UPF2: variants seen among roughly 807,000 people sequenced by gnomAD.
The protein encoded by UPF2 is UPF2 regulator of nonsense mediated mRNA decay, also known as regulator of nonsense transcripts 2.
UPF2 carries 17 observed loss-of-function variants against 141.4 expected under a neutral mutation model. The observed-to-expected ratio is 0.12, with a 90% CI of 0.08 to 0.18. The LOEUF (loss-of-function observed/expected upper bound fraction) is 0.18, where lower values mean the gene tolerates loss of function less well. Among genes scored for constraint, UPF2 ranks in the 10% least tolerant of loss-of-function variants. UPF2 has a pLI of 1.00. For synonymous variants in UPF2, 540 were observed against 498.0 expected (o/e 1.08, Z -1.12); for missense variants, 1,152 against 1,515.9 (o/e 0.76, Z 3.99).
chr10:11,998,308 A>G lies in UPF2; in HGVS notation c.1759-551T>C, dbSNP rs1022806003. Among the ~76,000 whole-genome samples, 1 of 152,140 alleles carries G rather than the reference A, an allele frequency of 6.6e-6. No homozygotes were observed. Among genetic ancestry groups the G allele is most frequent in the Admixed American group, 6.6e-5 (1 of 15,262 alleles). ...AACTGACAGAGGAGAATTCTTCCAA[A>G]AGAAACTCAACTGTCTTCAATCCCC... On this transcript the variant is annotated intron_variant, in intron 7 of 21. Coordinates refer to ENST00000357604, the MANE Select transcript of UPF2 (RefSeq NM_015542.4). The surrounding 1 kb of genome is among the most constrained non-coding windows in gnomAD (Gnocchi z 4.5).
At chr10:12,036,011 A>G in intron 1 of UPF2, 1 of 152,376 alleles carries the variant, frequency 6.6e-6, no homozygotes. Flanking sequence ...ACTTTCAGAT[A>G]CAAAAACTGT....
intron 18 of UPF2, among the ~76,000 whole-genome samples, chr10:11,938,944 C>T (rs1481153252): frequency 7.3e-6 from 1 of 137,860 alleles, no homozygotes; most frequent in Non-Finnish European, 1.5e-5. Context: ...ACAGTCTCAG[C>T]TCACTGAAAC....
Position 12,042,524 on chromosome 10 carries a change from C to T in UPF2, c.-19+231G>A, listed in dbSNP as rs1472085222. Among the ~76,000 whole-genome samples, 1 of 152,178 alleles carries T rather than the reference C, an allele frequency of 6.6e-6. No homozygotes were observed. Among genetic ancestry groups the T allele is most frequent in the Non-Finnish European group, 1.5e-5 (1 of 68,022 alleles). On this transcript the variant is annotated intron_variant, in intron 1 of 21. Coordinates refer to ENST00000357604, the MANE Select transcript of UPF2 (RefSeq NM_015542.4). This position sits in a 1 kb window ranked among gnomAD's most constrained non-coding sequence, Gnocchi z 5.5. ...GGCAGGCACCTCCTCCACCGCCCCC[C>T]AAGCATGGCCCGGCCCGGGGGCTCC...
chr10:12,004,624 G>T lies in UPF2; in HGVS notation c.1410C>A (p.Asn470Lys), dbSNP rs763873108. 8.1e-6 allele frequency: 13 copies of T among 1,613,718 alleles called. No individual in the cohort carries two copies. The East Asian group carries it at 2.9e-4, about 36-fold the overall frequency. ...GGACAAAAGCCTTCAAATCAATGAG[G>T]TTCTCATAAAAATTCCGAGCATCTT... is the stretch of plus-strand genomic sequence containing the variant. ...EDEDARNFYENLIDLKAFVPA... is the reference protein window; with the variant it reads ...EDEDARNFYEKLIDLKAFVPA... Residue 470 changes from asparagine to lysine, a missense_variant, in exon 5 of 22, where the codon AAC (asparagine) becomes AAA (lysine). By Grantham distance (94) the Asn-to-Lys change is moderately conservative. Transcript: ENST00000357604.
In UPF2 at chr10:12,029,129, T is replaced by C. The variant is rs1834470880; in HGVS notation, c.761A>G (p.Glu254Gly). The change falls in exon 3 of 22, where the codon GAG becomes GGG. Residue 254 changes from glutamate (E) to glycine (G), a missense_variant. By Grantham distance (98) the Glu-to-Gly change is moderately conservative. Transcript: ENST00000357604. The stretch of plus-strand genomic sequence containing the variant: ...TAACTTGGTGATGTTAGGTGTTTTC[T>C]CCTCTTTCCTTGCTTCAAAATGTTT... ...WKKHFEARKE[E>G]KTPNITKLRT... The C allele has an allele frequency of 6.2e-7, 1 of 1,614,270 alleles. No individual in the cohort carries two copies. Among genetic ancestry groups the C allele is most frequent in the Non-Finnish European group, 8.5e-7 (1 of 1,180,054 alleles).
At chr10:12,009,155 T>C (rs1344065684) in intron 4 of UPF2, among the ~76,000 whole-genome samples, 1 of 152,226 alleles carries the variant, frequency 6.6e-6, no homozygotes, top group Non-Finnish European at 1.5e-5. Flanking sequence ...TATTGAAACT[T>C]AAAATGCATA....
chr10:11,958,324 A>G (rs1312807917), intron 12 of UPF2, among the ~76,000 whole-genome samples: 1 of 152,246 alleles, frequency 6.6e-6, no homozygotes, highest in Non-Finnish European at 1.5e-5. Flanking sequence ...CTATTAGCCA[A>G]TTGCAAAGTA....
Position 11,960,454 on chromosome 10 carries a change from G to A in UPF2, c.2185-1098C>T, listed in dbSNP as rs374794404. 1.1e-4 allele frequency among the ~76,000 whole-genome samples: 17 copies of A among 152,262 alleles called. No individual in the cohort carries two copies. In the East Asian group the frequency reaches 2.1e-3, roughly 19 times the overall value. ...ACAGTGGTAGGTACCTGTAGTCCCA[G>A]CTACTCGGGAAGCTGAAGCAGGAGG... On this transcript the variant is annotated intron_variant, in intron 11 of 21. Transcript: ENST00000357604.
Position 12,001,306 on chromosome 10 carries a change from T to C in UPF2, c.1654+370A>G, listed in dbSNP as rs148158613. 9.7e-3 allele frequency among the ~76,000 whole-genome samples: 1,467 copies of C among 151,946 alleles called. 15 individuals carry two copies. Among genetic ancestry groups the C allele is most frequent in the South Asian group, 0.016 (77 of 4,806 alleles). On this transcript the variant is annotated intron_variant, in intron 6 of 21. Coordinates refer to ENST00000357604, the MANE Select transcript of UPF2 (RefSeq NM_015542.4). ...GCAGGCAGCTGTAATCCCAGCTACT[T>C]GGGAGGCTGAGGCAGGAGAATTGCT...
intron 8 of UPF2, among the ~76,000 whole-genome samples, chr10:11,990,194 C>A (rs73573522): frequency 0.056 from 8,544 of 152,222 alleles, 293 homozygotes; most frequent in Non-Finnish European, 0.08. Flanking sequence ...TCAAATATGC[C>A]ATCAACATGC....
At position 12,016,431 on chromosome 10, in the gene UPF2, C is replaced by T. The variant is rs1158769130; in HGVS notation, c.1146-2247G>A. On this transcript the variant is annotated intron_variant, in intron 3 of 21. Transcript: ENST00000357604. This position sits in a 1 kb window ranked among gnomAD's most constrained non-coding sequence, Gnocchi z 4.1. The stretch of plus-strand genomic sequence containing the variant: ...GTTACTTAGGCTGGGCGCGGTGGCT[C>T]ACGCCTGTAATCCCAGAACTTTGGA... Among the ~76,000 whole-genome samples, 2 of 152,092 alleles carry T rather than the reference C, an allele frequency of 1.3e-5. No individual in the cohort carries two copies. The highest frequency in any genetic ancestry group is 1.5e-5 in the Non-Finnish European group (1 of 68,022).
intron 2 of UPF2, among the ~76,000 whole-genome samples, chr10:12,033,966 C>G (rs1473444609): frequency 1.3e-5 from 2 of 152,210 alleles, no homozygotes; most frequent in East Asian, 3.8e-4. Flanking sequence ...TTTACTTGCA[C>G]AGGTTTACAA....
rs780308726 is a variant in UPF2 at position 12,021,366 on chromosome 10, C to CAAAAAAA, written c.1146-7189_1146-7183dup. On this transcript the variant is annotated intron_variant, in intron 3 of 21. Coordinates refer to ENST00000357604, the MANE Select transcript of UPF2 (RefSeq NM_015542.4). Reference sequence around the variant, plus strand: ...CCAACATAATGAAACCAAGTCTCTACAAAAAAAAAAAAATTTTTTTAAATT... The same window carrying CAAAAAAA: ...CCAACATAATGAAACCAAGTCTCTACAAAAAAAAAAAAAAAAAAAATTTTTTTAAATT... Among the ~76,000 whole-genome samples, 482 of 64,750 alleles carry CAAAAAAA rather than the reference C, an allele frequency of 7.4e-3. 1 individual carries two copies. Among genetic ancestry groups the CAAAAAAA allele is most frequent in the Middle Eastern group, 0.031 (4 of 130 alleles). 42.5% of individuals were successfully genotyped at this position (64,750 alleles called of 152,430 possible). A position where few individuals can be genotyped will look rare whatever the true frequency, so the allele number is the denominator to read the frequency against.
intron 12 of UPF2, among the ~76,000 whole-genome samples, chr10:11,958,442 T>C (rs1833189270): frequency 6.6e-6 from 1 of 152,216 alleles, no homozygotes; most frequent in Non-Finnish European, 1.5e-5. Context: ...TTAGCCATTC[T>C]ATACTTTTCA....
At chr10:11,938,864 T>TTTTTTTTG (rs1564337840) in intron 18 of UPF2, among the ~76,000 whole-genome samples, 2 of 81,064 alleles carry the variant, frequency 2.5e-5, no homozygotes, top group East Asian at 7.8e-4. Context: ...TTTTTTTTTT[T>TTTTTTTTG]TTTTTTTTTT....
chr10:11,942,548 G>C (rs1832949464), intron 18 of UPF2, 117 bp downstream of exon 18: 1 of 847,560 alleles, frequency 1.2e-6, no homozygotes, highest in African/African-American at 1.7e-5. Context: ...ACATGATCTA[G>C]CAAAAGCTGC....
At chr10:11,985,621 CAAA>C (rs1254604523) in intron 8 of UPF2, among the ~76,000 whole-genome samples, 2 of 82,800 alleles carry the variant, frequency 2.4e-5, no homozygotes, top group African/African-American at 4.5e-5. Flanking sequence ...AGTCCGTCTC[CAAA>C]AAAAAAAAAA....
At chr10:11,985,183 A>C (rs1478185244) in intron 8 of UPF2, among the ~76,000 whole-genome samples, 1 of 152,238 alleles carries the variant, frequency 6.6e-6, no homozygotes, top group Non-Finnish European at 1.5e-5. Context: ...ATTTTCTCGG[A>C]ATCCTCTACC....
In UPF2 at chr10:11,935,854, C is replaced by T. The variant is rs576146840; in HGVS notation, c.3546+691G>A. Among the ~76,000 whole-genome samples the T allele has an allele frequency of 1.6e-4, 24 of 152,036 alleles. No individual in the cohort carries two copies. The South Asian group carries it at 4.2e-3, about 26-fold the overall frequency. On this transcript the variant is annotated intron_variant, in intron 19 of 21. Coordinates refer to ENST00000357604, the MANE Select transcript of UPF2 (RefSeq NM_015542.4). The surrounding 1 kb of genome is among the most constrained non-coding windows in gnomAD (Gnocchi z 4.9). ...AGTAACAGCTTGGTAGAGGGGGAAACGGTTTTGAGGGACCATCTTGTATGA... is the reference window on the plus strand; with the variant it reads ...AGTAACAGCTTGGTAGAGGGGGAAATGGTTTTGAGGGACCATCTTGTATGA...
Sources: gnomAD v4.1 joint callset for allele counts (sites outside exome capture counted in the v4.1 genomes callset) on GRCh38, gnomAD v4.1.1 for gene constraint, Gnocchi (gnomAD v3.1) non-coding constraint, MANE v1.5 for transcripts, NCBI Gene and HGNC (gene_info 2026-07-23, HGNC 2026-07-21) for gene names.